The following KCNMA1 variants were observed in gnomAD, a reference collection of about 807,000 sequenced individuals.
The protein encoded by KCNMA1 is potassium calcium-activated channel subfamily M alpha 1.
In KCNMA1, 29 loss-of-function variants were observed where a neutral mutation model predicts 140.0. The observed-to-expected ratio is 0.21, with a 90% CI of 0.15 to 0.28. The LOEUF (loss-of-function observed/expected upper bound fraction) is 0.28, where lower values mean the gene tolerates loss of function less well. Among genes scored for constraint, KCNMA1 ranks in the 10% least tolerant of loss-of-function variants. The pLI is 1.00. For synonymous variants in KCNMA1, 612 were observed against 611.9 expected, an observed-to-expected ratio of 1.00 and a Z score of 0.00; for missense variants, 880 against 1,602.2, an observed-to-expected ratio of 0.55 and a Z score of 7.70.
At chr10:76,931,442 G>C (rs983059004) in intron 23 of KCNMA1, among the ~76,000 whole-genome samples, 1 of 151,648 alleles carries the variant, frequency 6.6e-6, no homozygotes, top group African/African-American at 2.4e-5. Flanking sequence ...AAAGGGGTAG[G>C]TACAAGACCC....
intron 2 of KCNMA1, among the ~76,000 whole-genome samples, chr10:77,387,360 A>G (rs892732765): frequency 1.3e-5 from 2 of 152,194 alleles, no homozygotes; most frequent in African/African-American, 4.8e-5. Flanking sequence ...GTCAGGAGAC[A>G]TGTCTGAAAC....
chr10:77,627,177 G>A (rs543752915), intron 1 of KCNMA1, among the ~76,000 whole-genome samples: 2 of 152,300 alleles, frequency 1.3e-5, no homozygotes, highest in South Asian at 4.1e-4. Context: ...GCAAAAAGAG[G>A]TTCAAGAGCA....
At chr10:77,364,842 C>T (rs1426364875) in intron 2 of KCNMA1, among the ~76,000 whole-genome samples, 3 of 152,272 alleles carry the variant, frequency 2.0e-5, no homozygotes, top group South Asian at 2.1e-4. Flanking sequence ...GAAATTGGCA[C>T]GTTTACCTGC....
chr10:77,418,959 G>A (rs1025153875), intron 1 of KCNMA1, among the ~76,000 whole-genome samples: 2 of 152,154 alleles, frequency 1.3e-5, no homozygotes, highest in African/African-American at 4.8e-5. Flanking sequence ...TTTAACCAGA[G>A]GGTAATTGTT....
At chr10:77,367,509 T>C (rs1264707719) in intron 2 of KCNMA1, among the ~76,000 whole-genome samples, 1 of 152,166 alleles carries the variant, frequency 6.6e-6, no homozygotes, top group Admixed American at 6.5e-5. Flanking sequence ...CCAGGCCCCA[T>C]TGCTAAACCT....
rs182897142 is a variant in KCNMA1 at position 77,410,289 on chromosome 10, A to G, written c.379-6266T>C. On this transcript the variant is annotated intron_variant, in intron 1 of 27. Coordinates refer to ENST00000286628, the MANE Select transcript of KCNMA1 (RefSeq NM_001161352.2). ...TGCTCTCACCCGGTTGGACTCTCTCACCCCCAGGCACACTCCTGACACCTG... is the reference window on the plus strand; with the variant it reads ...TGCTCTCACCCGGTTGGACTCTCTCGCCCCCAGGCACACTCCTGACACCTG... Among the ~76,000 whole-genome samples the G allele has an allele frequency of 7.6e-4, 116 of 151,948 alleles. No homozygotes were observed. The East Asian group carries it at 0.016, about 21-fold the overall frequency.
chr10:77,573,306 T>G (rs2072427739), intron 1 of KCNMA1, among the ~76,000 whole-genome samples: 1 of 152,080 alleles, frequency 6.6e-6, no homozygotes, highest in Admixed American at 6.6e-5. Context: ...ATGTGTAGTG[T>G]GTGCATGGGC....
intron 1 of KCNMA1, among the ~76,000 whole-genome samples, chr10:77,430,596 T>G (rs584141): frequency 0.49 from 74,449 of 152,022 alleles, 19,849 homozygotes; most frequent in African/African-American, 0.7. Flanking sequence ...CAACGCCTAG[T>G]GAAACATCAG....
At chr10:77,092,565 A>G (rs1231419961) in intron 9 of KCNMA1, among the ~76,000 whole-genome samples, 2 of 152,154 alleles carry the variant, frequency 1.3e-5, no homozygotes, top group Non-Finnish European at 2.9e-5. Context: ...CATCACTTAG[A>G]TGTGAAAGTA....
At chr10:77,589,422 C>A (rs919763293) in intron 1 of KCNMA1, among the ~76,000 whole-genome samples, 1 of 152,130 alleles carries the variant, frequency 6.6e-6, no homozygotes, top group Non-Finnish European at 1.5e-5. Flanking sequence ...ACTGCACAAA[C>A]AACGTGGCCT....
chr10:77,085,794 T>C (rs1406229955), intron 11 of KCNMA1, among the ~76,000 whole-genome samples: 1 of 152,218 alleles, frequency 6.6e-6, no homozygotes, highest in African/African-American at 2.4e-5. Flanking sequence ...TTCATTATAT[T>C]AATGTACACC....
chr10:77,356,626 G>A (rs1169535791), intron 2 of KCNMA1, among the ~76,000 whole-genome samples: 1 of 152,170 alleles, frequency 6.6e-6, no homozygotes, highest in East Asian at 1.9e-4. Context: ...GATCAGCTGG[G>A]CAAACATGGG....
chr10:77,327,537 T>C (rs2084664644), intron 2 of KCNMA1, among the ~76,000 whole-genome samples: 1 of 152,074 alleles, frequency 6.6e-6, no homozygotes, highest in Admixed American at 6.6e-5. Context: ...ATATTTTTAG[T>C]AGAGATGGGG....
chr10:76,891,524 C>T lies in KCNMA1; in HGVS notation c.3342+1G>A. On this transcript the variant is annotated splice_donor_variant, in intron 26 of 27. Transcript: ENST00000286628. LOFTEE classifies it high-confidence loss of function. Reference sequence around the variant, plus strand: ...AGGTGACCTCGGTGCTGTGGACTCACCCCTAAGTCCGCAAATGGCCCATCG... The same window carrying T: ...AGGTGACCTCGGTGCTGTGGACTCATCCCTAAGTCCGCAAATGGCCCATCG... 6.2e-7 allele frequency: 1 copy of T among 1,611,534 alleles called. No individual in the cohort carries two copies. Among genetic ancestry groups the T allele is most frequent in the Non-Finnish European group, 8.5e-7 (1 of 1,178,874 alleles).
rs1208047181 is a variant in KCNMA1 at position 76,891,690 on chromosome 10, C to G, written c.3177G>C (p.Leu1059=). ...ATYFNDNILT[L]IRTLVTGGAT... The stretch of plus-strand genomic sequence containing the variant: ...CTCCTCCGGTCACCAGGGTCCGTAT[C>G]AGGGTGAGGATATTGTCATTGAAGT... Residue 1059 remains leucine, a synonymous_variant, in exon 26 of 28, where the codon CTG becomes CTC. Coordinates refer to ENST00000286628, the MANE Select transcript of KCNMA1 (RefSeq NM_001161352.2). The G allele has an allele frequency of 6.2e-7, 1 of 1,614,058 alleles. No individual in the cohort carries two copies. Among genetic ancestry groups the G allele is most frequent in the Admixed American group, 1.7e-5 (1 of 60,024 alleles).
rs530690451 is a variant in KCNMA1, at chr10:76,953,000, C to T, written c.2484+801G>A. On this transcript the variant is annotated intron_variant, in intron 21 of 27. Coordinates refer to ENST00000286628, the MANE Select transcript of KCNMA1 (RefSeq NM_001161352.2). ...GGAAAGCCAGTGTAGGCATTAAGACCCAAAGCTGTTAATAGAACAAGGGCA... is the reference window on the plus strand; with the variant it reads ...GGAAAGCCAGTGTAGGCATTAAGACTCAAAGCTGTTAATAGAACAAGGGCA... 1.6e-4 allele frequency among the ~76,000 whole-genome samples: 25 copies of T among 152,244 alleles called. No individual in the cohort carries two copies. The South Asian group carries it at 4.6e-3, about 28-fold the overall frequency.
intron 2 of KCNMA1, among the ~76,000 whole-genome samples, chr10:77,284,455 G>C (rs1305616610): frequency 6.6e-6 from 1 of 152,076 alleles, no homozygotes; most frequent in African/African-American, 2.4e-5. Context: ...ATTTCTCTTT[G>C]ACAGGCTTGC....
chr10:77,100,210 G>A (rs1030159163), intron 9 of KCNMA1, among the ~76,000 whole-genome samples: 2 of 152,116 alleles, frequency 1.3e-5, no homozygotes, highest in African/African-American at 4.8e-5. Context: ...TCAAATTATT[G>A]TTTGTTGAGC....
intron 2 of KCNMA1, among the ~76,000 whole-genome samples, chr10:77,251,929 C>T (rs909737484): frequency 2.6e-5 from 4 of 152,106 alleles, no homozygotes; most frequent in South Asian, 2.1e-4. Context: ...TACAAATGTC[C>T]GTGTGTGTAT....
Sources: gnomAD v4.1 joint callset for allele counts (sites outside exome capture counted in the v4.1 genomes callset) on GRCh38, gnomAD v4.1.1 for gene constraint, MANE v1.5 for transcripts, NCBI Gene and HGNC (gene_info 2026-07-23, HGNC 2026-07-21) for gene names.